Variants in TBL1XR1 observed in about 807,000 individuals in gnomAD.
TBL1XR1 encodes F-box-like/WD repeat-containing protein TBL1XR1.
Under a neutral mutation model 66.9 loss-of-function variants are expected in TBL1XR1, and 5 were observed. The ratio of observed to expected loss-of-function variants is 0.07; its 90% CI spans 0.04 to 0.16. The LOEUF is 0.16. Among genes scored for constraint, TBL1XR1 ranks in the 10% least tolerant of loss-of-function variants. The pLI, the probability that TBL1XR1 is intolerant of heterozygous loss-of-function variation, is 1.00. For synonymous variants in TBL1XR1, 210 were observed against 206.0 expected, an observed-to-expected ratio of 1.02 and a Z score of -0.17; for missense variants, 238 against 623.2, an observed-to-expected ratio of 0.38 and a Z score of 6.58.
At chr3:177,147,087 C>G (rs1253431828) in intron 1 of TBL1XR1, among the ~76,000 whole-genome samples, 2 of 151,482 alleles carry the variant, frequency 1.3e-5, no homozygotes, top group Admixed American at 1.3e-4. Flanking sequence ...TACTCTATCA[C>G]CCAGCCTGGA....
intron 1 of TBL1XR1, among the ~76,000 whole-genome samples, chr3:177,143,710 T>C (rs1309409804): frequency 6.6e-6 from 1 of 152,248 alleles, no homozygotes; most frequent in Non-Finnish European, 1.5e-5. Context: ...AATCTGAGAA[T>C]ATTATCCAAT....
chr3:177,143,878 A>T (rs923502020), intron 1 of TBL1XR1, among the ~76,000 whole-genome samples: 3 of 152,214 alleles, frequency 2.0e-5, no homozygotes, highest in African/African-American at 7.2e-5. Context: ...GACTGGTAGA[A>T]ATCTATGAAG....
chr3:177,039,665 A>G (rs746479573), intron 10 of TBL1XR1, among the ~76,000 whole-genome samples: 2 of 152,222 alleles, frequency 1.3e-5, no homozygotes, highest in Non-Finnish European at 2.9e-5. Context: ...TATGGTAATA[A>G]TAGTGAGTAA....
At chr3:177,032,944 T>A (rs748450161) in intron 14 of TBL1XR1, 27 bp downstream of exon 14, 1 of 1,503,042 alleles carries the variant, frequency 6.7e-7, no homozygotes, top group African/African-American at 1.4e-5. Context: ...TTAAGAGCAC[T>A]TGACCATTTA....
At chr3:177,154,266 A>T (rs1167449532) in intron 1 of TBL1XR1, among the ~76,000 whole-genome samples, 1 of 152,234 alleles carries the variant, frequency 6.6e-6, no homozygotes, top group Non-Finnish European at 1.5e-5. Context: ...AATATCAAAC[A>T]AGGTACTCTA....
At chr3:177,028,041 G>A (rs757625547) in intron 14 of TBL1XR1, among the ~76,000 whole-genome samples, 10 of 152,038 alleles carry the variant, frequency 6.6e-5, no homozygotes, top group Non-Finnish European at 1.5e-4. Context: ...AGCTTGAACT[G>A]GGCTATAACG....
At chr3:177,063,914 G>C (rs1259026734) in intron 3 of TBL1XR1, among the ~76,000 whole-genome samples, 3 of 152,176 alleles carry the variant, frequency 2.0e-5, no homozygotes, top group Admixed American at 6.5e-5. Flanking sequence ...CTGAAGAACA[G>C]CTGGGAACAT....
chr3:177,068,459 G>GA (rs1456641884), intron 2 of TBL1XR1, among the ~76,000 whole-genome samples: 3 of 152,178 alleles, frequency 2.0e-5, no homozygotes, highest in Non-Finnish European at 4.4e-5. Flanking sequence ...TGTTCACCAT[G>GA]AAATATCATT....
chr3:177,086,547 G>T (rs1722145265), intron 2 of TBL1XR1, among the ~76,000 whole-genome samples: 2 of 152,090 alleles, frequency 1.3e-5, no homozygotes, highest in South Asian at 2.1e-4. Flanking sequence ...CATGACATGG[G>T]GTTGGAGCAA....
chr3:177,077,534 AG>A (rs1720840727), intron 2 of TBL1XR1, among the ~76,000 whole-genome samples: 1 of 152,198 alleles, frequency 6.6e-6, no homozygotes, highest in Non-Finnish European at 1.5e-5. Context: ...CTCTTTCTAC[AG>A]TACCTATCAC....
intron 1 of TBL1XR1, among the ~76,000 whole-genome samples, chr3:177,181,033 C>T (rs1016347413): frequency 2.0e-5 from 3 of 152,044 alleles, no homozygotes; most frequent in Non-Finnish European, 2.9e-5. Flanking sequence ...TGGCACTGGA[C>T]CCCAGACCCG....
chr3:177,047,586 A>C, intron 7 of TBL1XR1, 37 bp from the exon 8 acceptor site: 1 of 1,572,948 alleles, frequency 6.4e-7, no homozygotes, highest in Non-Finnish European at 8.7e-7. Flanking sequence ...TATATAATCT[A>C]GATACGGTAT....
At chr3:177,124,737 T>C (rs1727402009) in intron 1 of TBL1XR1, among the ~76,000 whole-genome samples, 1 of 152,142 alleles carries the variant, frequency 6.6e-6, no homozygotes, top group African/African-American at 2.4e-5. Context: ...TTTATTCTCT[T>C]AATTGACAAT....
At chr3:177,069,801 G>GA (rs11384858) in intron 2 of TBL1XR1, among the ~76,000 whole-genome samples, 4,285 of 68,998 alleles carry the variant, frequency 0.062, 159 homozygotes, top group East Asian at 0.29. Flanking sequence ...GGAAAGGAAG[G>GA]AAGGAAGGAA....
chr3:177,053,596 C>T (rs371295669), intron 4 of TBL1XR1, among the ~76,000 whole-genome samples, 177 bp downstream of exon 4: 84 of 152,280 alleles, frequency 5.5e-4, no homozygotes, highest in African/African-American at 1.8e-3. Flanking sequence ...ATGGTCCTTA[C>T]AACTAGGCGC....
At chr3:177,106,222 A>AAT (rs1296223454) in intron 1 of TBL1XR1, among the ~76,000 whole-genome samples, 1 of 152,222 alleles carries the variant, frequency 6.6e-6, no homozygotes, top group African/African-American at 2.4e-5. Context: ...ACAAAATTTT[A>AAT]AGTAGTAGGC....
intron 10 of TBL1XR1, among the ~76,000 whole-genome samples, chr3:177,045,903 T>C (rs1716267122): frequency 6.6e-6 from 1 of 152,154 alleles, no homozygotes; most frequent in Non-Finnish European, 1.5e-5. Flanking sequence ...ATGCCACCTC[T>C]AATTGCACCA....
At chr3:177,151,410 T>A (rs1415461848) in intron 1 of TBL1XR1, among the ~76,000 whole-genome samples, 1 of 152,068 alleles carries the variant, frequency 6.6e-6, no homozygotes, top group Non-Finnish European at 1.5e-5. Context: ...ACCACCTGAG[T>A]TCCATCTCCT....
intron 2 of TBL1XR1, among the ~76,000 whole-genome samples, chr3:177,072,470 CAAAAA>C (rs11362981): frequency 1.6e-5 from 2 of 128,898 alleles, no homozygotes; most frequent in African/African-American, 2.8e-5. Context: ...ACTATGCACT[CAAAAA>C]AAAAAAAAAA....
Sources: allele counts gnomAD v4.1 joint callset (sites outside exome capture counted in the v4.1 genomes callset), GRCh38; gene constraint gnomAD v4.1.1; transcripts MANE v1.5; gene names NCBI Gene and HGNC (gene_info 2026-07-23, HGNC 2026-07-21).